The following LZTS1 variants were observed in gnomAD, a reference collection of about 807,000 sequenced individuals.
LZTS1 encodes the protein leucine zipper tumor suppressor 1.
Under a neutral mutation model 45.8 loss-of-function variants are expected in LZTS1, and 31 were observed. That is an observed-to-expected ratio of 0.68 (90% CI 0.51 to 0.91). The LOEUF (loss-of-function observed/expected upper bound fraction) is 0.91, where lower values mean the gene tolerates loss of function less well. Among genes scored for constraint, LZTS1 ranks in the 40% least tolerant of loss-of-function variants. The pLI, the probability that LZTS1 is intolerant of heterozygous loss-of-function variation, is 0.00. For missense variants in LZTS1, 821 were observed against 788.9 expected (o/e 1.04, Z -0.49); for synonymous variants, 359 against 357.3 (o/e 1.00, Z -0.05).
chr8:20,278,341 C>G (rs1029755074), intron 1 of LZTS1, among the ~76,000 whole-genome samples: 1 of 152,184 alleles, frequency 6.6e-6, no homozygotes, highest in Admixed American at 6.5e-5. Context: ...AGTAAACCCA[C>G]GGTGCAGGTA....
At chr8:20,287,627 A>T (rs1295321075) in intron 1 of LZTS1, among the ~76,000 whole-genome samples, 2 of 152,064 alleles carry the variant, frequency 1.3e-5, no homozygotes, top group African/African-American at 2.4e-5. Context: ...GAAGGGGAGA[A>T]AGAATGCTGC....
chr8:20,269,180 C>T (rs1342779058), intron 1 of LZTS1, among the ~76,000 whole-genome samples: 1 of 152,188 alleles, frequency 6.6e-6, no homozygotes, highest in East Asian at 1.9e-4. Flanking sequence ...CGTGAGAGAG[C>T]AGAAGGCAGG....
chr8:20,257,820 C>T (rs1028016746), intron 1 of LZTS1, among the ~76,000 whole-genome samples: 1 of 152,072 alleles, frequency 6.6e-6, no homozygotes, highest in Non-Finnish European at 1.5e-5. Context: ...CAGGTGAGCA[C>T]CACCATGACT....
At chr8:20,295,057 T>C (rs986333271) in intron 1 of LZTS1, among the ~76,000 whole-genome samples, 1 of 152,074 alleles carries the variant, frequency 6.6e-6, no homozygotes, top group African/African-American at 2.4e-5. Flanking sequence ...ATGAGTTCCC[T>C]TTCTAACCTC....
At chr8:20,280,072 G>A (rs1338304925) in intron 1 of LZTS1, among the ~76,000 whole-genome samples, 2 of 151,998 alleles carry the variant, frequency 1.3e-5, no homozygotes, top group African/African-American at 4.8e-5. Flanking sequence ...GAAAAGAGGT[G>A]AAGGAGGCCT....
chr8:20,271,428 A>T, intron 1 of LZTS1, among the ~76,000 whole-genome samples: 1 of 152,116 alleles, frequency 6.6e-6, no homozygotes, highest in South Asian at 2.1e-4. Context: ...CTGCCACCTA[A>T]GTCCCTCAGC....
chr8:20,258,373 A>AT (rs944888943), intron 1 of LZTS1, among the ~76,000 whole-genome samples: 2 of 152,040 alleles, frequency 1.3e-5, no homozygotes, highest in African/African-American at 4.8e-5. Flanking sequence ...CTGTTTTTTA[A>AT]TTTTAATTTT....
At chr8:20,255,751 G>A (rs1358230046) in intron 1 of LZTS1, among the ~76,000 whole-genome samples, 1 of 152,100 alleles carries the variant, frequency 6.6e-6, no homozygotes, top group East Asian at 1.9e-4. Context: ...GTCTTCTTTT[G>A]TTAGGGTAGC....
In LZTS1 at chr8:20,250,171, C is replaced by T. The variant is rs143595326; in HGVS notation, c.1342G>A (p.Glu448Lys). The T allele has an allele frequency of 9.9e-6, 16 of 1,610,592 alleles. No homozygotes were observed. The African/African-American group carries it at 1.9e-4, about 19-fold the overall frequency. Residue 448 changes from glutamate (E) to lysine (K), a missense_variant, in exon 4 of 4, where the codon GAG (glutamate) becomes AAG (lysine). Transcript: ENST00000381569. ...GALRTKGLEL[E>K]VCENELQRKK... Reference sequence around the variant, plus strand: ...CGCTGCAGCTCATTCTCACAGACCTCCAGCTCCAGGCCCTTGGTGCGCAGG... The same window carrying T: ...CGCTGCAGCTCATTCTCACAGACCTTCAGCTCCAGGCCCTTGGTGCGCAGG...
At chr8:20,294,483 A>T (rs990383332) in intron 1 of LZTS1, among the ~76,000 whole-genome samples, 11 of 152,128 alleles carry the variant, frequency 7.2e-5, no homozygotes, top group African/African-American at 2.7e-4. Context: ...CTCGCTTTAC[A>T]GTGCAGGTGG....
At chr8:20,252,453 C>T (rs1033609901) in intron 3 of LZTS1, among the ~76,000 whole-genome samples, 9 of 152,184 alleles carry the variant, frequency 5.9e-5, no homozygotes, top group Non-Finnish European at 1.0e-4. Flanking sequence ...TCTTCTGAGC[C>T]TCCTGGGAGC....
At chr8:20,302,676 T>G (rs1308120623) in intron 1 of LZTS1, among the ~76,000 whole-genome samples, 2 of 152,146 alleles carry the variant, frequency 1.3e-5, no homozygotes, top group African/African-American at 4.8e-5. Context: ...CCTCAGTACT[T>G]TCCCAGCGCC....
At position 20,254,868 on chromosome 8, in the gene LZTS1, T is replaced by A. The variant is rs1329474261; in HGVS notation, c.314A>T (p.Lys105Met). ...GVDFDPSTPPKLMPFSNQLEM... is the reference protein window; with the variant it reads ...GVDFDPSTPPMLMPFSNQLEM... The stretch of plus-strand genomic sequence containing the variant: ...TAGCTGATTGGAGAAGGGCATGAGC[T>A]TGGGGGGTGTGGACGGGTCAAAGTC... Residue 105 changes from lysine (K) to methionine (M), a missense_variant, in exon 2 of 4, where the codon AAG (lysine) becomes ATG (methionine). Coordinates refer to ENST00000381569, the MANE Select transcript of LZTS1 (RefSeq NM_021020.5). 1 of 1,613,570 alleles carries A rather than the reference T, an allele frequency of 6.2e-7. No homozygotes were observed. Among genetic ancestry groups the A allele is most frequent in the East Asian group, 2.2e-5 (1 of 44,858 alleles).
Position 20,249,607 on chromosome 8 carries a change from G to C in LZTS1, c.*115C>G, listed in dbSNP as rs1186311287. 1 of 1,307,372 alleles carries C rather than the reference G, an allele frequency of 7.6e-7. No individual in the cohort carries two copies. Among genetic ancestry groups the C allele is most frequent in the Non-Finnish European group, 1.0e-6 (1 of 964,414 alleles). 81.0% of individuals were successfully genotyped at this position (1,307,372 alleles called of 1,614,324 possible). On this transcript the variant is annotated 3_prime_UTR_variant, in exon 4 of 4. Coordinates refer to ENST00000381569, the MANE Select transcript of LZTS1 (RefSeq NM_021020.5). The stretch of plus-strand genomic sequence containing the variant: ...CCCTCCCCTCGGGGGTCCTGGGTCT[G>C]TGTCCCAGGGAGTGGCGTCTCTCAG...
chr8:20,288,470 G>A (rs1041869984), intron 1 of LZTS1, among the ~76,000 whole-genome samples: 1 of 152,188 alleles, frequency 6.6e-6, no homozygotes, highest in Non-Finnish European at 1.5e-5. Flanking sequence ...TGTGTCCTGT[G>A]CACTAGGTAT....
intron 1 of LZTS1, among the ~76,000 whole-genome samples, chr8:20,260,835 G>A (rs1025561457): frequency 1.3e-5 from 2 of 152,288 alleles, no homozygotes; most frequent in Middle Eastern, 3.4e-3. Flanking sequence ...CCTTAGCCCC[G>A]ATACCCAGCT....
chr8:20,270,448 T>G (rs1283757789), intron 1 of LZTS1, among the ~76,000 whole-genome samples: 1 of 152,106 alleles, frequency 6.6e-6, no homozygotes, highest in Non-Finnish European at 1.5e-5. Flanking sequence ...TGAGGGCAGG[T>G]GATAAGTGCT....
At chr8:20,265,426 G>A (rs943743124) in intron 1 of LZTS1, among the ~76,000 whole-genome samples, 1 of 152,046 alleles carries the variant, frequency 6.6e-6, no homozygotes, top group African/African-American at 2.4e-5. Context: ...AACACTTTGG[G>A]AGGCCAAGGG....
chr8:20,262,930 G>A (rs920302927), intron 1 of LZTS1, among the ~76,000 whole-genome samples: 12 of 152,166 alleles, frequency 7.9e-5, no homozygotes, highest in African/African-American at 2.4e-4. Context: ...GACATGCTAC[G>A]TAACCTCTCT....
Sources: gnomAD v4.1 joint callset for allele counts (sites outside exome capture counted in the v4.1 genomes callset) on GRCh38, gnomAD v4.1.1 for gene constraint, MANE v1.5 for transcripts, NCBI Gene and HGNC (gene_info 2026-07-23, HGNC 2026-07-21) for gene names.